Variants in SPADH observed in about 807,000 individuals in gnomAD.
SPADH encodes spermadhesin family member, also known as CUB domain-containing protein.
chr10:122,677,935 T>C, the SPADH span, among the ~76,000 whole-genome samples: 1 of 152,204 alleles, frequency 6.6e-6, no homozygotes, highest in Non-Finnish European at 1.5e-5. Context: ...GCACTTCCTG[T>C]GTCATAATTT....
chr10:122,677,199 G>A, the SPADH span, among the ~76,000 whole-genome samples: 1 of 152,162 alleles, frequency 6.6e-6, no homozygotes, highest in Non-Finnish European at 1.5e-5. Flanking sequence ...ACACACCAGA[G>A]TCCAGCAGCT....
chr10:122,677,141 C>T, the SPADH span, among the ~76,000 whole-genome samples: 3 of 152,202 alleles, frequency 2.0e-5, no homozygotes, highest in Admixed American at 6.5e-5. Context: ...GATCACTTCT[C>T]CTCTCTGGAC....
chr10:122,678,374 G>T, the SPADH span, among the ~76,000 whole-genome samples: 1 of 152,296 alleles, frequency 6.6e-6, no homozygotes, highest in African/African-American at 2.4e-5. Flanking sequence ...ACCTCTTCCT[G>T]TCCCATCTGC....
the SPADH span, among the ~76,000 whole-genome samples, chr10:122,675,117 C>T: frequency 1.3e-5 from 2 of 152,198 alleles, no homozygotes; most frequent in Non-Finnish European, 2.9e-5. Flanking sequence ...AAATTTTAGT[C>T]AACAGATTTA....
At chr10:122,676,625 A>T in the SPADH span, 1 of 666,272 alleles carries the variant, frequency 1.5e-6, no homozygotes, top group Non-Finnish European at 1.9e-6. Context: ...CTGGGCCATT[A>T]AGGTTGAATT....
the SPADH span, among the ~76,000 whole-genome samples, chr10:122,677,483 T>A: frequency 6.6e-6 from 1 of 152,118 alleles, no homozygotes; most frequent in Admixed American, 6.5e-5. Context: ...CTACTAGGAG[T>A]CTGTCTTTGG....
chr10:122,673,772 G>T, the SPADH span, among the ~76,000 whole-genome samples: 4 of 151,808 alleles, frequency 2.6e-5, no homozygotes, highest in Non-Finnish European at 4.4e-5. Flanking sequence ...CCCTTGCCGG[G>T]TCCTTTCCAA....
the SPADH span, among the ~76,000 whole-genome samples, chr10:122,677,227 C>G: frequency 6.6e-6 from 1 of 152,150 alleles, no homozygotes; most frequent in Non-Finnish European, 1.5e-5. Context: ...TTTGCTCACA[C>G]CTGCCCTCTG....
At chr10:122,674,959 G>T in the SPADH span, among the ~76,000 whole-genome samples, 109 of 152,336 alleles carry the variant, frequency 7.2e-4, no homozygotes, top group African/African-American at 2.5e-3. Flanking sequence ...CTGCCCGCTA[G>T]ATCATAGCCT....
chr10:122,679,347 T>C, the SPADH span, among the ~76,000 whole-genome samples: 1 of 152,152 alleles, frequency 6.6e-6, no homozygotes, highest in Non-Finnish European at 1.5e-5. Context: ...AGAAGCCATC[T>C]TTCTCTCTAT....
chr10:122,679,428 C>G, the SPADH span, among the ~76,000 whole-genome samples: 2 of 151,208 alleles, frequency 1.3e-5, no homozygotes, highest in African/African-American at 2.4e-5. Context: ...GAACTATATA[C>G]TATAAGGAAT....
At chr10:122,675,382 G>T in the SPADH span, among the ~76,000 whole-genome samples, 3 of 152,178 alleles carry the variant, frequency 2.0e-5, no homozygotes, top group South Asian at 6.2e-4. Flanking sequence ...AATGCTGTGA[G>T]TGAGCTAGTT....
the SPADH span, among the ~76,000 whole-genome samples, chr10:122,674,352 T>C: frequency 6.6e-6 from 1 of 152,256 alleles, no homozygotes; most frequent in African/African-American, 2.4e-5. Flanking sequence ...TTAGTGATTG[T>C]TAAGTAGCAG....
chr10:122,677,477 T>C, the SPADH span, among the ~76,000 whole-genome samples: 3 of 152,360 alleles, frequency 2.0e-5, no homozygotes, highest in East Asian at 5.8e-4. Context: ...TTGTGTCTAC[T>C]AGGAGTCTGT....
chr10:122,673,053 T>C, the SPADH span: 2 of 362,744 alleles, frequency 5.5e-6, no homozygotes, highest in African/African-American at 2.2e-5. Context: ...AGATACTCTC[T>C]TCCATACAGA....
the SPADH span, chr10:122,678,959 A>G: frequency 5.1e-6 from 5 of 984,866 alleles, no homozygotes; most frequent in Non-Finnish European, 6.0e-6. Context: ...TTCTTCCAAC[A>G]TCATCACCAT....
chr10:122,679,390 G>A, the SPADH span, among the ~76,000 whole-genome samples: 2 of 151,902 alleles, frequency 1.3e-5, no homozygotes, highest in Admixed American at 1.3e-4. Flanking sequence ...GCATTTTCTA[G>A]TGTATTTCTG....
At chr10:122,678,208 C>A in the SPADH span, among the ~76,000 whole-genome samples, 17 of 152,100 alleles carry the variant, frequency 1.1e-4, no homozygotes, top group Admixed American at 2.0e-4. Flanking sequence ...GAGATTAGGA[C>A]TGGAAAAGCA....
chr10:122,679,169 C>T, the SPADH span: 1 of 251,472 alleles, frequency 4.0e-6, no homozygotes, highest in Non-Finnish European at 6.3e-6. Context: ...TCATAGTTCT[C>T]CTGGATCAGC....
Sources: allele counts gnomAD v4.1 joint callset (sites outside exome capture counted in the v4.1 genomes callset), GRCh38; gene constraint gnomAD v4.1.1; transcripts MANE v1.5; gene names NCBI Gene and HGNC (gene_info 2026-07-23, HGNC 2026-07-21).